The following ATP8A1 variants were observed in gnomAD, a reference collection of about 807,000 sequenced individuals.
ATP8A1 encodes the protein ATPase phospholipid transporting 8A1.
Under a neutral mutation model 177.7 loss-of-function variants are expected in ATP8A1, and 90 were observed. That is an observed-to-expected ratio of 0.51 (90% CI 0.43 to 0.60). The LOEUF (loss-of-function observed/expected upper bound fraction) is 0.60, where lower values mean the gene tolerates loss of function less well. ATP8A1 is among the 20% of genes least tolerant of loss of function. The pLI, the probability that ATP8A1 is intolerant of heterozygous loss-of-function variation, is 0.00. For synonymous variants in ATP8A1, 493 were observed against 485.9 expected, an observed-to-expected ratio of 1.01 and a Z score of -0.19; for missense variants, 1,072 against 1,392.8, an observed-to-expected ratio of 0.77 and a Z score of 3.67.
Position 42,543,863 on chromosome 4 carries a change from TAC to T in ATP8A1, c.1722+52_1722+53del, listed in dbSNP as rs1560440204. On this transcript the variant is annotated intron_variant, in intron 20 of 36. Coordinates refer to ENST00000381668, the MANE Select transcript of ATP8A1 (RefSeq NM_006095.2). Reference sequence around the variant, plus strand: ...ACATTTCCATAGAATGCCTAACATATACATTATAAACCATCATAAATTATAAC... The same window carrying T: ...ACATTTCCATAGAATGCCTAACATATATTATAAACCATCATAAATTATAAC... The T allele has an allele frequency of 3.1e-6, 4 of 1,310,572 alleles. No individual in the cohort carries two copies. The African/African-American group carries it at 6.0e-5, about 20-fold the overall frequency. 81.2% of individuals were successfully genotyped at this position (1,310,572 alleles called of 1,614,324 possible).
At chr4:42,621,141 T>C (rs1290659671) in intron 4 of ATP8A1, among the ~76,000 whole-genome samples, 1 of 152,222 alleles carries the variant, frequency 6.6e-6, no homozygotes, top group Non-Finnish European at 1.5e-5. Flanking sequence ...TGTGGAGCAA[T>C]GCAGGTAGGA....
rs1712564579 is a variant in ATP8A1 at position 42,411,209 on chromosome 4, T to C, written c.*1707A>G. On this transcript the variant is annotated 3_prime_UTR_variant, in exon 37 of 37. Transcript: ENST00000381668. ...TATGTATATGTGTTATAACCTCTTATTTGTAGAAAATGGAGAGGCATACTG... is the reference window on the plus strand; with the variant it reads ...TATGTATATGTGTTATAACCTCTTACTTGTAGAAAATGGAGAGGCATACTG... The C allele has an allele frequency of 1.3e-5, 2 of 152,210 alleles. No homozygotes were observed. Among genetic ancestry groups the C allele is most frequent in the Non-Finnish European group, 2.9e-5 (2 of 68,030 alleles). The allele number at this position is 152,210 out of a possible 1,614,324, so 9.4% of individuals were successfully genotyped here.
At chr4:42,495,627 G>A (rs933607528) in intron 24 of ATP8A1, among the ~76,000 whole-genome samples, 2 of 117,880 alleles carry the variant, frequency 1.7e-5, no homozygotes, top group Admixed American at 9.8e-5. Flanking sequence ...TTTTTTTTTT[G>A]ATGTAGTTTT....
At chr4:42,489,475 T>C in intron 24 of ATP8A1, among the ~76,000 whole-genome samples, 1 of 152,202 alleles carries the variant, frequency 6.6e-6, no homozygotes, top group East Asian at 1.9e-4. Flanking sequence ...TGTCAAGAGA[T>C]GTGATAGAAA....
intron 33 of ATP8A1, among the ~76,000 whole-genome samples, chr4:42,437,776 T>C (rs1022188295): frequency 6.6e-6 from 1 of 152,188 alleles, no homozygotes; most frequent in African/African-American, 2.4e-5. Flanking sequence ...GAGAACACCC[T>C]GCCCACCAAC....
intron 20 of ATP8A1, among the ~76,000 whole-genome samples, chr4:42,535,807 A>C (rs1281076932): frequency 1.3e-5 from 2 of 152,254 alleles, no homozygotes; most frequent in Non-Finnish European, 1.5e-5. Context: ...CAACTCCAAA[A>C]GGAAACTTCA....
intron 4 of ATP8A1, among the ~76,000 whole-genome samples, chr4:42,620,486 A>G (rs1168616648): frequency 6.6e-6 from 1 of 152,250 alleles, no homozygotes; most frequent in African/African-American, 2.4e-5. Context: ...TTTGCCACGT[A>G]CTTTCAAAGA....
intron 25 of ATP8A1, among the ~76,000 whole-genome samples, chr4:42,475,104 T>C (rs1052795929): frequency 2.0e-5 from 3 of 152,108 alleles, no homozygotes; most frequent in African/African-American, 7.2e-5. Context: ...TTTATTAAGG[T>C]TTAAGGTAAA....
Position 42,524,829 on chromosome 4 carries a change from G to T in ATP8A1, c.1741C>A (p.Arg581=). ...TTGTATTTTGACGTCTCTGCCAGTC[G>T]ATCATAAATTACAGTGTCCTGGAAA... ...CKGADTVIYD[R]LAETSKYKEI... The change falls in exon 21 of 37, where the codon CGA becomes AGA. Residue 581 remains arginine, a synonymous_variant. Coordinates refer to ENST00000381668, the MANE Select transcript of ATP8A1 (RefSeq NM_006095.2). 6.2e-7 allele frequency: 1 copy of T among 1,607,646 alleles called. No homozygotes were observed. The highest frequency in any genetic ancestry group is 1.1e-5 in the South Asian group (1 of 90,418).
intron 1 of ATP8A1, among the ~76,000 whole-genome samples, chr4:42,642,025 C>T (rs1740045377): frequency 1.3e-5 from 2 of 151,784 alleles, no homozygotes; most frequent in Admixed American, 1.3e-4. Context: ...TCATCAAAAA[C>T]ATCCAGTGAA....
At position 42,409,974 on chromosome 4, in the gene ATP8A1, G is replaced by A. The variant is rs1712402171; in HGVS notation, c.*2942C>T. On this transcript the variant is annotated 3_prime_UTR_variant, in exon 37 of 37. Coordinates refer to ENST00000381668, the MANE Select transcript of ATP8A1 (RefSeq NM_006095.2). ...TGTAAATGGCTAACATTATTTAGCA[G>A]AATACACATTCACCTGACTTGATTA... is the stretch of plus-strand genomic sequence containing the variant. 6.6e-6 allele frequency: 1 copy of A among 152,134 alleles called. No homozygotes were observed. Among genetic ancestry groups the A allele is most frequent in the Non-Finnish European group, 1.5e-5 (1 of 68,002 alleles). 9.4% of individuals were successfully genotyped at this position (152,134 alleles called of 1,614,324 possible).
At chr4:42,564,958 G>A (rs1166210577) in intron 15 of ATP8A1, among the ~76,000 whole-genome samples, 5 of 152,190 alleles carry the variant, frequency 3.3e-5, no homozygotes, top group Admixed American at 6.5e-5. Flanking sequence ...TCTCGTGACA[G>A]TGAATTAAGT....
chr4:42,555,129 C>CT (rs1218784875), intron 16 of ATP8A1, among the ~76,000 whole-genome samples: 30 of 85,562 alleles, frequency 3.5e-4, no homozygotes, highest in East Asian at 6.2e-4. Flanking sequence ...ATCTATCTAT[C>CT]TATCTATCTA....
intron 5 of ATP8A1, among the ~76,000 whole-genome samples, chr4:42,609,803 A>G (rs1736189626): frequency 6.6e-6 from 1 of 151,986 alleles, no homozygotes; most frequent in African/African-American, 2.4e-5. Flanking sequence ...CTCTCCATAC[A>G]GCTGTCAAAT....
At chr4:42,454,610 G>C (rs867395442) in intron 29 of ATP8A1, among the ~76,000 whole-genome samples, 2 of 152,042 alleles carry the variant, frequency 1.3e-5, no homozygotes, top group African/African-American at 4.8e-5. Context: ...AATACCAATG[G>C]AAACACTTTA....
chr4:42,446,534 T>C (rs1214012475), intron 31 of ATP8A1, 49 bp downstream of exon 31: 3 of 1,549,504 alleles, frequency 1.9e-6, no homozygotes, highest in South Asian at 2.2e-5. Context: ...TGAGGACAGA[T>C]GAAAGGTTTT....
At chr4:42,626,823 A>G in intron 2 of ATP8A1, 172 bp downstream of exon 2, 1 of 629,022 alleles carries the variant, frequency 1.6e-6, no homozygotes, top group Non-Finnish European at 2.9e-6. Context: ...CCAGATTCTT[A>G]TGAATATTTC....
intron 9 of ATP8A1, among the ~76,000 whole-genome samples, chr4:42,585,503 G>C (rs1433876486): frequency 7.0e-6 from 1 of 143,752 alleles, no homozygotes; most frequent in Non-Finnish European, 1.5e-5. Context: ...GAGAGCCTCC[G>C]CCATGTGAAG....
intron 25 of ATP8A1, among the ~76,000 whole-genome samples, chr4:42,467,275 G>A (rs774590672): frequency 6.6e-6 from 1 of 152,206 alleles, no homozygotes; most frequent in Non-Finnish European, 1.5e-5. Flanking sequence ...AGGTGTTAAA[G>A]AGTAGGATTG....
Sources: allele counts gnomAD v4.1 joint callset (sites outside exome capture counted in the v4.1 genomes callset), GRCh38; gene constraint gnomAD v4.1.1; transcripts MANE v1.5; gene names NCBI Gene and HGNC (gene_info 2026-07-23, HGNC 2026-07-21).